Variants in XRCC4 observed in about 807,000 individuals in gnomAD.
XRCC4 encodes X-ray repair cross complementing 4, also known as DNA repair protein XRCC4.
Under a neutral mutation model 39.1 loss-of-function variants are expected in XRCC4, and 28 were observed. That is an observed-to-expected ratio of 0.72 (90% CI 0.53 to 0.98). XRCC4 has a LOEUF of 0.98. Ranked by LOEUF, XRCC4 falls within the 50% of genes least tolerant of loss-of-function variation. The pLI is 0.00. For synonymous variants in XRCC4, 123 were observed against 126.4 expected, an observed-to-expected ratio of 0.97 and a Z score of 0.18; for missense variants, 350 against 376.4, an observed-to-expected ratio of 0.93 and a Z score of 0.58.
chr5:83,325,677 A>T (rs945602261), intron 7 of XRCC4, among the ~76,000 whole-genome samples: 1 of 152,090 alleles, frequency 6.6e-6, no homozygotes, highest in Non-Finnish European at 1.5e-5. Flanking sequence ...TCCATGGTGT[A>T]TATGTACATA....
At chr5:83,189,199 C>T (rs997561457) in intron 3 of XRCC4, among the ~76,000 whole-genome samples, 2 of 152,168 alleles carry the variant, frequency 1.3e-5, no homozygotes, top group Non-Finnish European at 2.9e-5. Flanking sequence ...CTGTTTAAGA[C>T]AACAATAGCA....
At chr5:83,124,124 G>GT (rs1376983885) in intron 3 of XRCC4, among the ~76,000 whole-genome samples, 1 of 152,050 alleles carries the variant, frequency 6.6e-6, no homozygotes, top group Non-Finnish European at 1.5e-5. Flanking sequence ...TATGTGCACT[G>GT]TTTTTATTGT....
intron 7 of XRCC4, among the ~76,000 whole-genome samples, chr5:83,283,849 G>T (rs1754637784): frequency 6.6e-6 from 1 of 151,920 alleles, no homozygotes; most frequent in South Asian, 2.1e-4. Flanking sequence ...TAATGGATCT[G>T]TGTAATATTT....
At chr5:83,236,422 T>C (rs1303456371) in intron 6 of XRCC4, among the ~76,000 whole-genome samples, 3 of 152,146 alleles carry the variant, frequency 2.0e-5, no homozygotes, top group African/African-American at 7.2e-5. Flanking sequence ...TCCATGCATT[T>C]ACAGTGAACT....
In XRCC4 at chr5:83,105,005, A is replaced by G; in HGVS notation, c.86A>G (p.Glu29Gly). 2 of 1,613,634 alleles carry G rather than the reference A, an allele frequency of 1.2e-6. No homozygotes were observed. The highest frequency in any genetic ancestry group is 2.2e-5 in the East Asian group (1 of 44,752). ...CAAGTATCTTGGGAGAAAACACTGG[A>G]ATCTGGTTTTGTTATTACACTTACT... ...FLQVSWEKTLESGFVITLTDG... is the reference protein window; with the variant it reads ...FLQVSWEKTLGSGFVITLTDG... Residue 29 changes from glutamate (E) to glycine (G), a missense_variant, in exon 2 of 8, where the codon GAA becomes GGA. Physicochemically the swap from Glu to Gly is moderately conservative, Grantham distance 98. Transcript: ENST00000396027.
chr5:83,182,719 G>A (rs1305709291), intron 3 of XRCC4, among the ~76,000 whole-genome samples: 1 of 152,110 alleles, frequency 6.6e-6, no homozygotes, highest in African/African-American at 2.4e-5. Flanking sequence ...GGTACTGAGG[G>A]CCAGGTCCTA....
intron 3 of XRCC4, among the ~76,000 whole-genome samples, chr5:83,175,663 C>T (rs1342477098): frequency 6.6e-6 from 1 of 151,996 alleles, no homozygotes; most frequent in Non-Finnish European, 1.5e-5. Flanking sequence ...CACTGAAGTG[C>T]AGTGGTGTCA....
At chr5:83,281,506 T>G (rs1754536662) in intron 7 of XRCC4, among the ~76,000 whole-genome samples, 1 of 139,490 alleles carries the variant, frequency 7.2e-6, no homozygotes, top group African/African-American at 3.1e-5. Flanking sequence ...TTTGTTTTGT[T>G]TTTTTTTTTT....
At chr5:83,105,099 G>A in intron 2 of XRCC4, 41 bp downstream of exon 2, 1 of 1,575,008 alleles carries the variant, frequency 6.3e-7, no homozygotes, top group Non-Finnish European at 8.6e-7. Context: ...AAATTTAAGT[G>A]TGCTATTCTT....
At chr5:83,368,388 T>C in the XRCC4 span, among the ~76,000 whole-genome samples, 1 of 152,148 alleles carries the variant, frequency 6.6e-6, no homozygotes, top group Non-Finnish European at 1.5e-5. Context: ...GAGGGGTTGT[T>C]CACGTTCATC....
chr5:83,337,453 C>T (rs1756627404), intron 7 of XRCC4, among the ~76,000 whole-genome samples: 2 of 152,036 alleles, frequency 1.3e-5, no homozygotes, highest in Admixed American at 6.6e-5. Flanking sequence ...CTTAGAGCCC[C>T]AAGTTGTTAT....
intron 6 of XRCC4, among the ~76,000 whole-genome samples, chr5:83,240,033 A>G (rs6452535): frequency 0.19 from 28,975 of 151,386 alleles, 6,082 homozygotes; most frequent in African/African-American, 0.53. Context: ...CTTTACCTGA[A>G]TGTGGTAGCA....
At chr5:83,310,456 A>G (rs966503611) in intron 7 of XRCC4, among the ~76,000 whole-genome samples, 25 of 152,178 alleles carry the variant, frequency 1.6e-4, no homozygotes, top group African/African-American at 5.1e-4. Flanking sequence ...TGGCAGTACT[A>G]TAAGTTTCAT....
At chr5:83,077,713 C>CT in intron 1 of XRCC4, 98 bp downstream of exon 1, 1 of 206,694 alleles carries the variant, frequency 4.8e-6, no homozygotes, top group Non-Finnish European at 1.0e-5. Flanking sequence ...TTCCCTGCTA[C>CT]TTACCCCTAG....
chr5:83,178,167 G>A (rs1048035424), intron 3 of XRCC4, among the ~76,000 whole-genome samples: 1 of 152,172 alleles, frequency 6.6e-6, no homozygotes, highest in South Asian at 2.1e-4. Context: ...TCGGTTACTG[G>A]GGGTAAAGCA....
chr5:83,171,494 C>A (rs934043084), intron 3 of XRCC4, among the ~76,000 whole-genome samples: 1 of 151,976 alleles, frequency 6.6e-6, no homozygotes, highest in Non-Finnish European at 1.5e-5. Flanking sequence ...AAAAAAAAAT[C>A]TAAGTTTCTG....
intron 7 of XRCC4, among the ~76,000 whole-genome samples, chr5:83,288,363 A>G (rs937715747): frequency 6.6e-6 from 1 of 151,906 alleles, no homozygotes; most frequent in African/African-American, 2.4e-5. Flanking sequence ...AAAGCAGGCT[A>G]TTGAAGCCTC....
chr5:83,343,590 C>T (rs1756827037), intron 7 of XRCC4, among the ~76,000 whole-genome samples: 1 of 152,182 alleles, frequency 6.6e-6, no homozygotes, highest in Non-Finnish European at 1.5e-5. Flanking sequence ...GCTGTGGGCA[C>T]ACAAAGTAAA....
chr5:83,079,498 C>T (rs779889836), intron 1 of XRCC4, among the ~76,000 whole-genome samples: 10 of 152,092 alleles, frequency 6.6e-5, no homozygotes, highest in Non-Finnish European at 1.2e-4. Context: ...GAAATAAAAT[C>T]TGTCTGTGTT....
Sources: gnomAD v4.1 joint callset for allele counts (sites outside exome capture counted in the v4.1 genomes callset) on GRCh38, gnomAD v4.1.1 for gene constraint, MANE v1.5 for transcripts, NCBI Gene and HGNC (gene_info 2026-07-23, HGNC 2026-07-21) for gene names.